Variants in GARRE1 observed in about 807,000 individuals in gnomAD.
GARRE1 encodes granule associated Rac and RHOG effector protein 1.
GARRE1 carries 49 observed loss-of-function variants against 103.2 expected under a neutral mutation model. The ratio of observed to expected loss-of-function variants is 0.47; its 90% confidence interval spans 0.38 to 0.60. The LOEUF is 0.60. Ranked by LOEUF, GARRE1 falls within the 20% of genes least tolerant of loss-of-function variation. The pLI, the probability that GARRE1 is intolerant of heterozygous loss-of-function variation, is 0.00. For missense variants in GARRE1, 1,199 were observed against 1,370.5 expected (o/e 0.87, Z 1.98); for synonymous variants, 505 against 532.8 (o/e 0.95, Z 0.72).
Position 34,341,892 on chromosome 19 carries a change from T to C in GARRE1, c.1958T>C (p.Leu653Pro). The change falls in exon 10 of 14, where the codon CTC becomes CCC. Residue 653 changes from leucine to proline, a missense_variant. Physicochemically the swap from Leu to Pro is moderately conservative, Grantham distance 98 (BLOSUM62 -3). Transcript: ENST00000299505. The stretch of plus-strand genomic sequence containing the variant: ...GAAATGCAAGAGGTGATAGATTTTC[T>C]CTCGGGCTTTAACATGGGCCAGTCA... The part of the protein sequence containing the change: ...DQEMQEVIDF[L>P]SGFNMGQSHQ... 2 of 1,614,172 alleles carry C rather than the reference T, an allele frequency of 1.2e-6. No individual in the cohort carries two copies. Among genetic ancestry groups the C allele is most frequent in the Non-Finnish European group, 1.7e-6 (2 of 1,180,036 alleles).
intron 2 of GARRE1, among the ~76,000 whole-genome samples, chr19:34,315,411 G>A (rs2074055372): frequency 6.6e-6 from 1 of 152,126 alleles, no homozygotes; most frequent in Non-Finnish European, 1.5e-5. Context: ...AACTACAGTG[G>A]TATAGAAAGG....
chr19:34,262,873 T>A (rs1453178350), intron 1 of GARRE1, among the ~76,000 whole-genome samples: 1 of 152,178 alleles, frequency 6.6e-6, no homozygotes, highest in Non-Finnish European at 1.5e-5. Context: ...TTTCTAATTT[T>A]AAAAAATTTC....
chr19:34,258,300 AC>A (rs1260346120), intron 1 of GARRE1, among the ~76,000 whole-genome samples: 4 of 151,388 alleles, frequency 2.6e-5, no homozygotes, highest in African/African-American at 7.3e-5. Flanking sequence ...TGTACCTCTT[AC>A]CCCCGCTCCA....
chr19:34,321,359 G>C (rs988769924), intron 3 of GARRE1, among the ~76,000 whole-genome samples: 3 of 150,364 alleles, frequency 2.0e-5, no homozygotes, highest in African/African-American at 7.3e-5. Flanking sequence ...TACAGATTTG[G>C]ACAAGATTCT....
At chr19:34,294,836 G>T (rs1439677756) in intron 1 of GARRE1, among the ~76,000 whole-genome samples, 4 of 152,092 alleles carry the variant, frequency 2.6e-5, no homozygotes, top group Non-Finnish European at 5.9e-5. Flanking sequence ...AACACACCTG[G>T]CTAATTTTTT....
chr19:34,347,743 C>T (rs866789239), intron 10 of GARRE1, 134 bp from the exon 11 acceptor site: 54 of 833,190 alleles, frequency 6.5e-5, no homozygotes, highest in Non-Finnish European at 8.2e-5. Flanking sequence ...CTACAGCCCA[C>T]GCTGTGGGGC....
chr19:34,300,856 C>G lies in GARRE1; in HGVS notation c.383C>G (p.Ala128Gly). 6.2e-7 allele frequency: 1 copy of G among 1,613,816 alleles called. No individual in the cohort carries two copies. The highest frequency in any genetic ancestry group is 8.5e-7 in the Non-Finnish European group (1 of 1,180,044). Residue 128 changes from alanine to glycine, a missense_variant, in exon 2 of 14, where the codon GCC becomes GGC. Ala to Gly is a moderately conservative substitution (Grantham distance 60). Transcript: ENST00000299505. ...GTGCAGGAGCATGTCATGGAAGCAG[C>G]CAGTCGGCTGACCTCGGCCATAAAG... ...KDVQEHVMEAASRLTSAIKPE... is the reference protein window; with the variant it reads ...KDVQEHVMEAGSRLTSAIKPE...
chr19:34,288,867 C>T (rs894714765), intron 1 of GARRE1, among the ~76,000 whole-genome samples: 2 of 152,240 alleles, frequency 1.3e-5, no homozygotes, highest in African/African-American at 2.4e-5. Context: ...CGCCTTGGCT[C>T]ATGCCTGTAA....
chr19:34,293,416 T>TA, intron 1 of GARRE1, among the ~76,000 whole-genome samples: 1 of 151,746 alleles, frequency 6.6e-6, no homozygotes, highest in African/African-American at 2.4e-5. Flanking sequence ...TTTTTTTTTT[T>TA]AAAGACAGAT....
intron 2 of GARRE1, among the ~76,000 whole-genome samples, chr19:34,309,799 G>A (rs2145250591): frequency 6.6e-6 from 1 of 152,310 alleles, no homozygotes; most frequent in East Asian, 1.9e-4. Flanking sequence ...CCATTTCATG[G>A]AGGGCTTTTC....
At chr19:34,327,056 G>A (rs2074115064) in intron 3 of GARRE1, among the ~76,000 whole-genome samples, 1 of 152,018 alleles carries the variant, frequency 6.6e-6, no homozygotes, top group South Asian at 2.1e-4. Flanking sequence ...TCGGGAGGCT[G>A]AGGCAGGAGA....
chr19:34,296,461 G>A (rs569122934), intron 1 of GARRE1: 33 of 1,593,172 alleles, frequency 2.1e-5, no homozygotes, highest in Middle Eastern at 2.3e-4. Context: ...TAGGCAAGTC[G>A]ATCGAGCTTG....
At chr19:34,282,999 T>G (rs1219385326) in intron 1 of GARRE1, among the ~76,000 whole-genome samples, 1 of 152,214 alleles carries the variant, frequency 6.6e-6, no homozygotes, top group Non-Finnish European at 1.5e-5. Flanking sequence ...TTTGCTGAGA[T>G]TCCCTTGTGA....
At chr19:34,345,403 C>T (rs558103648) in intron 10 of GARRE1, among the ~76,000 whole-genome samples, 12 of 152,374 alleles carry the variant, frequency 7.9e-5, no homozygotes, top group African/African-American at 2.9e-4. Context: ...AAACAGCAAG[C>T]CCACTGGCTG....
rs551088703 is a variant in GARRE1 at position 34,352,583 on chromosome 19, G to A, written c.2905-64G>A. ...AGGAGGGAATAAGGGCCAGGCATCT[G>A]GGGAGGTGGGAAATGATGATACATT... On this transcript the variant is annotated intron_variant, in intron 13 of 13. Coordinates refer to ENST00000299505, the MANE Select transcript of GARRE1 (RefSeq NM_014686.5). 21 of 1,380,404 alleles carry A rather than the reference G, an allele frequency of 1.5e-5. No homozygotes were observed. The African/African-American group carries it at 2.8e-4, about 19-fold the overall frequency. The allele number at this position is 1,380,404 out of a possible 1,614,324, so 85.5% of individuals were successfully genotyped here. A position where few individuals can be genotyped will look rare whatever the true frequency, so the allele number is the denominator to read the frequency against.
chr19:34,302,901 T>C (rs1355329402), intron 2 of GARRE1, among the ~76,000 whole-genome samples: 1 of 151,974 alleles, frequency 6.6e-6, no homozygotes, highest in Non-Finnish European at 1.5e-5. Flanking sequence ...CACGCAGCCA[T>C]ACCCAGCTAA....
intron 1 of GARRE1, among the ~76,000 whole-genome samples, chr19:34,259,205 C>T (rs1458268511): frequency 6.6e-6 from 1 of 152,324 alleles, no homozygotes; most frequent in South Asian, 2.1e-4. Context: ...ATAAATATCA[C>T]TTATCAAGGT....
At chr19:34,331,991 T>TAA (rs77839977) in intron 7 of GARRE1, among the ~76,000 whole-genome samples, 5 of 136,066 alleles carry the variant, frequency 3.7e-5, no homozygotes, top group Admixed American at 2.2e-4. Context: ...ATCCAGTCTT[T>TAA]AAAAAAAAAA....
intron 1 of GARRE1, among the ~76,000 whole-genome samples, chr19:34,282,876 G>T (rs1239072121): frequency 1.3e-5 from 2 of 152,154 alleles, no homozygotes; most frequent in African/African-American, 2.4e-5. Flanking sequence ...GTAAAAAGTG[G>T]CCAGCTTTGC....
Sources: gnomAD v4.1 joint callset for allele counts (sites outside exome capture counted in the v4.1 genomes callset) on GRCh38, gnomAD v4.1.1 for gene constraint, MANE v1.5 for transcripts, NCBI Gene and HGNC (gene_info 2026-07-23, HGNC 2026-07-21) for gene names.